The following GRB10 variants were observed in gnomAD, a reference collection of about 807,000 sequenced individuals.
GRB10 encodes growth factor receptor bound protein 10, also known as growth factor receptor-bound protein 10.
GRB10 carries 20 observed loss-of-function variants against 80.9 expected under a neutral mutation model. That is an observed-to-expected ratio of 0.25 (90% confidence interval 0.17 to 0.36). The LOEUF is 0.36. Ranked by LOEUF, GRB10 falls within the 10% of genes least tolerant of loss-of-function variation. The probability of loss-of-function intolerance (pLI) is 1.00; values close to 1 mark genes in which losing one functional copy is unlikely to be tolerated. For synonymous variants in GRB10, 291 were observed against 291.5 expected, an observed-to-expected ratio of 1.00 and a Z score of 0.02; for missense variants, 548 against 747.7, an observed-to-expected ratio of 0.73 and a Z score of 3.12.
chr7:50,616,883 G>A lies in GRB10; in HGVS notation c.847-536C>T, dbSNP rs115245408. On this transcript the variant is annotated intron_variant, in intron 10 of 18. Coordinates refer to ENST00000401949, the MANE Select transcript of GRB10 (RefSeq NM_001350814.2). ...AAAACAAAACAAAACAAGAAACTAC[G>A]CTTTTCATCAAAGGGAAGACAGGCC... Among the ~76,000 whole-genome samples the A allele has an allele frequency of 6.2e-3, 940 of 152,314 alleles. 12 individuals are homozygous for A. Among genetic ancestry groups the A allele is most frequent in the African/African-American group, 0.021 (892 of 41,566 alleles).
intron 12 of GRB10, 96 bp from the exon 13 acceptor site, chr7:50,612,935 A>C (rs746444686): frequency 1.3e-6 from 1 of 789,112 alleles, no homozygotes; most frequent in Non-Finnish European, 2.2e-6. Context: ...ACCAGAGACA[A>C]CCAGCTGGAG....
At chr7:50,618,012 T>C in intron 10 of GRB10, 59 bp downstream of exon 10, 1 of 1,333,986 alleles carries the variant, frequency 7.5e-7, no homozygotes. Flanking sequence ...GCCATTCAGT[T>C]CCAAGAGGAT....
chr7:50,706,776 A>G (rs112240006), intron 4 of GRB10, among the ~76,000 whole-genome samples: 16 of 152,182 alleles, frequency 1.1e-4, no homozygotes, highest in Non-Finnish European at 1.6e-4. Context: ...ATGAATCACA[A>G]CCCTGATACT....
intron 5 of GRB10, among the ~76,000 whole-genome samples, chr7:50,693,551 C>T (rs938124696): frequency 6.6e-6 from 1 of 152,172 alleles, no homozygotes; most frequent in African/African-American, 2.4e-5. Flanking sequence ...AGACATTCCT[C>T]AAGTCAGGAG....
intron 2 of GRB10, among the ~76,000 whole-genome samples, chr7:50,761,334 G>A (rs1014834438): frequency 6.6e-6 from 1 of 152,156 alleles, no homozygotes; most frequent in African/African-American, 2.4e-5. Context: ...TCACTTGCTG[G>A]AACAGATTTT....
At chr7:50,758,397 C>G (rs2075356537) in intron 2 of GRB10, among the ~76,000 whole-genome samples, 1 of 152,222 alleles carries the variant, frequency 6.6e-6, no homozygotes, top group Non-Finnish European at 1.5e-5. Context: ...AAAGAATATA[C>G]TAACCTGGGG....
At chr7:50,740,079 A>G (rs923817290) in intron 3 of GRB10, among the ~76,000 whole-genome samples, 1 of 152,198 alleles carries the variant, frequency 6.6e-6, no homozygotes, top group Non-Finnish European at 1.5e-5. Context: ...CACAAATCCA[A>G]AATGTGCATT....
upstream of GRB10, among the ~76,000 whole-genome samples, chr7:50,786,316 G>T (rs987132921): frequency 2.6e-5 from 4 of 152,134 alleles, no homozygotes; most frequent in African/African-American, 9.7e-5. Flanking sequence ...GAAAAGAAAT[G>T]AAAGGATTAA....
intron 5 of GRB10, among the ~76,000 whole-genome samples, chr7:50,691,320 G>C (rs1009505231): frequency 6.6e-6 from 1 of 152,174 alleles, no homozygotes; most frequent in Non-Finnish European, 1.5e-5. Flanking sequence ...GAAATGCTTA[G>C]AGGCCAGAGC....
At chr7:50,704,897 G>A (rs376250658) in intron 4 of GRB10, among the ~76,000 whole-genome samples, 6 of 152,254 alleles carry the variant, frequency 3.9e-5, no homozygotes, top group South Asian at 4.1e-4. Context: ...AGTGGGTCCC[G>A]GCTGTTCTGG....
chr7:50,661,350 A>G (rs2059251075), intron 7 of GRB10, among the ~76,000 whole-genome samples: 1 of 152,216 alleles, frequency 6.6e-6, no homozygotes. Flanking sequence ...AGCTGATTGG[A>G]GCTAAGACAA....
intron 7 of GRB10, among the ~76,000 whole-genome samples, chr7:50,647,442 A>G (rs1206849040): frequency 2.0e-5 from 3 of 152,180 alleles, no homozygotes; most frequent in African/African-American, 7.2e-5. Flanking sequence ...GAGGGTGCGG[A>G]TGTGCCCTCA....
intron 4 of GRB10, among the ~76,000 whole-genome samples, chr7:50,724,077 G>A (rs1342827803): frequency 1.3e-5 from 2 of 152,208 alleles, no homozygotes; most frequent in Non-Finnish European, 2.9e-5. Flanking sequence ...TGGAGGCAGT[G>A]GACTCGCACG....
chr7:50,732,404 A>T, intron 3 of GRB10, 36 bp from the exon 4 acceptor site: 1 of 384,520 alleles, frequency 2.6e-6, no homozygotes, highest in African/African-American at 2.3e-5. Context: ...GCCAAGCCAG[A>T]AAAAAAAAAA....
intron 4 of GRB10, among the ~76,000 whole-genome samples, chr7:50,722,159 C>A (rs1297028270): frequency 6.6e-6 from 1 of 152,112 alleles, no homozygotes; most frequent in Non-Finnish European, 1.5e-5. Flanking sequence ...CCCAGGCTGT[C>A]CCCCACCAGC....
intron 4 of GRB10, chr7:50,705,040 G>A: frequency 5.1e-6 from 3 of 584,446 alleles, no homozygotes; most frequent in Non-Finnish European, 6.5e-6. Context: ...CTTAATTTCT[G>A]CCTGAATGCT....
chr7:50,705,073 C>T, intron 4 of GRB10: 1 of 885,092 alleles, frequency 1.1e-6, no homozygotes. Context: ...GTTTCTCTGC[C>T]CAGAGCCCTC....
rs534985617 is a variant in GRB10 at position 50,753,138 on chromosome 7, C to T, written c.-47+2749G>A. Among the ~76,000 whole-genome samples, 8 of 152,282 alleles carry T rather than the reference C, an allele frequency of 5.3e-5. No homozygotes were observed. The East Asian group carries it at 1.4e-3, about 26-fold the overall frequency. On this transcript the variant is annotated intron_variant, in intron 3 of 18. Transcript: ENST00000401949. ...GCCCGTCACTATAGGGTCTGGGATT[C>T]CCACCTCAGGCCCCACCACATCCAG... is the stretch of plus-strand genomic sequence containing the variant.
intron 3 of GRB10, among the ~76,000 whole-genome samples, chr7:50,739,072 A>G (rs2153695670): frequency 6.6e-6 from 1 of 152,372 alleles, no homozygotes; most frequent in East Asian, 1.9e-4. Flanking sequence ...AAGCAGAGTC[A>G]AAAGTTTACT....
Sources: allele counts gnomAD v4.1 joint callset (sites outside exome capture counted in the v4.1 genomes callset), GRCh38; gene constraint gnomAD v4.1.1; transcripts MANE v1.5; gene names NCBI Gene and HGNC (gene_info 2026-07-23, HGNC 2026-07-21).